Variants in SORL1 observed in about 807,000 individuals in gnomAD.
SORL1 encodes the protein sortilin related receptor 1.
In SORL1, 127 loss-of-function variants were observed where a neutral mutation model predicts 273.7. That is an observed-to-expected ratio of 0.46 (90% CI 0.40 to 0.54). The LOEUF (loss-of-function observed/expected upper bound fraction) is 0.54, where lower values mean the gene tolerates loss of function less well. Among genes scored for constraint, SORL1 ranks in the 20% least tolerant of loss-of-function variants. The probability of loss-of-function intolerance (pLI) is 0.00; values close to 1 mark genes in which losing one functional copy is unlikely to be tolerated. For synonymous variants in SORL1, 1,031 were observed against 1,067.4 expected, an observed-to-expected ratio of 0.97 and a Z score of 0.66; for missense variants, 2,494 against 2,846.1, an observed-to-expected ratio of 0.88 and a Z score of 2.81.
chr11:121,577,646 C>T (rs1862954816), intron 25 of SORL1, among the ~76,000 whole-genome samples: 1 of 152,226 alleles, frequency 6.6e-6, no homozygotes, highest in Non-Finnish European at 1.5e-5. Flanking sequence ...TATGTTCTGG[C>T]TCAAGCTTCT....
chr11:121,480,107 C>T (rs932772121), intron 3 of SORL1, among the ~76,000 whole-genome samples: 7 of 152,220 alleles, frequency 4.6e-5, no homozygotes, highest in East Asian at 1.9e-4. Flanking sequence ...GATCCATATG[C>T]GCCCCGCCTC....
chr11:121,487,613 A>C (rs944290682), intron 3 of SORL1, among the ~76,000 whole-genome samples: 1 of 152,192 alleles, frequency 6.6e-6, no homozygotes, highest in African/African-American at 2.4e-5. Flanking sequence ...AGGGAGACTC[A>C]ACCATCCCAT....
At position 121,605,436 on chromosome 11, in the gene SORL1, AC is replaced by A; in HGVS notation, c.4816del (p.His1606ThrfsTer9). On this transcript the variant is annotated frameshift_variant, in exon 35 of 48. Coordinates refer to ENST00000260197, the MANE Select transcript of SORL1 (RefSeq NM_003105.6). LOFTEE classifies it high-confidence loss of function. ...VGESIWKTLE[T>X]HSNKTNTVLK... Reference sequence around the variant, plus strand: ...AGAGAGCATATGGAAGACTCTGGAGACCCACAGCAATAAGACAAACACTGTA... The same window carrying A: ...AGAGAGCATATGGAAGACTCTGGAGACCACAGCAATAAGACAAACACTGTA... 6.2e-7 allele frequency: 1 copy of A among 1,613,752 alleles called. No homozygotes were observed. The highest frequency in any genetic ancestry group is 8.5e-7 in the Non-Finnish European group (1 of 1,179,760).
At chr11:121,613,424 T>C (rs542666173) in intron 40 of SORL1, among the ~76,000 whole-genome samples, 5 of 152,364 alleles carry the variant, frequency 3.3e-5, no homozygotes, top group African/African-American at 1.2e-4. Context: ...CTGTTGAGAA[T>C]GACTTGGGAG....
chr11:121,522,538 T>C (rs762266077), intron 9 of SORL1, 48 bp from the exon 10 acceptor site: 1 of 1,373,688 alleles, frequency 7.3e-7, no homozygotes, highest in Non-Finnish European at 1.0e-6. Context: ...CAGGGAACGC[T>C]AGGCATGGTA....
chr11:121,471,000 C>T (rs1389539000), intron 2 of SORL1, among the ~76,000 whole-genome samples: 2 of 152,188 alleles, frequency 1.3e-5, no homozygotes, highest in African/African-American at 4.8e-5. Flanking sequence ...TTACAACACT[C>T]TACCTCCTCA....
chr11:121,626,532 G>A (rs952780445), intron 46 of SORL1: 1 of 151,956 alleles, frequency 6.6e-6, no homozygotes, highest in African/African-American at 2.4e-5. Context: ...GATTAGGTTT[G>A]CAAGAAACAA....
intron 12 of SORL1, among the ~76,000 whole-genome samples, chr11:121,539,716 A>C (rs1202742603): frequency 6.6e-6 from 1 of 151,974 alleles, no homozygotes; most frequent in Non-Finnish European, 1.5e-5. Flanking sequence ...TCAGCTTTCC[A>C]ATCAGCCAGA....
intron 26 of SORL1, among the ~76,000 whole-genome samples, chr11:121,584,731 A>G (rs559352039): frequency 6.6e-6 from 1 of 152,282 alleles, no homozygotes; most frequent in South Asian, 2.1e-4. Flanking sequence ...AGCTGGGACC[A>G]CAGGGGTTGG....
intron 19 of SORL1, 41 bp from the exon 20 acceptor site, chr11:121,558,550 T>C (rs1319260643): frequency 1.9e-6 from 3 of 1,608,068 alleles, no homozygotes; most frequent in Non-Finnish European, 1.7e-6. Flanking sequence ...CCCATTTCTC[T>C]AGTATTGATG....
At chr11:121,583,040 G>C (rs1863035393) in intron 25 of SORL1, among the ~76,000 whole-genome samples, 1 of 152,218 alleles carries the variant, frequency 6.6e-6, no homozygotes, top group African/African-American at 2.4e-5. Flanking sequence ...ACTTAGGTGA[G>C]AAGGCAAACT....
In SORL1 at chr11:121,577,311, A is replaced by T; in HGVS notation, c.3491A>T (p.Asn1164Ile). 1 of 1,612,618 alleles carries T rather than the reference A, an allele frequency of 6.2e-7. No individual in the cohort carries two copies. The highest frequency in any genetic ancestry group is 2.2e-5 in the East Asian group (1 of 44,874). ...CACCAGTGCCGGAGTGACGAGTACA[A>T]CTGCAGTTCCGGCATGTGCATCCGC... ...EMHQCRSDEY[N>I]CSSGMCIRSS... The change falls in exon 25 of 48, where the codon AAC becomes ATC. Residue 1164 changes from asparagine (N) to isoleucine (I), a missense_variant. Coordinates refer to ENST00000260197, the MANE Select transcript of SORL1 (RefSeq NM_003105.6).
chr11:121,628,532 C>T (rs1863831145), intron 47 of SORL1, among the ~76,000 whole-genome samples: 1 of 152,210 alleles, frequency 6.6e-6, no homozygotes, highest in Non-Finnish European at 1.5e-5. Context: ...CTGTGCGGCC[C>T]CCCATTCCTA....
In SORL1 at chr11:121,504,182, G is replaced by A. The variant is rs577292494; in HGVS notation, c.939+7133G>A. 3.2e-3 allele frequency among the ~76,000 whole-genome samples: 482 copies of A among 152,362 alleles called. 3 individuals carry two copies. The highest frequency in any genetic ancestry group is 0.011 in the African/African-American group (469 of 41,586). ...TAATATCAGCACTTTGGGAGGCTGA[G>A]GTGGGCGGATCACGAGGCCAGGAGT... On this transcript the variant is annotated intron_variant, in intron 6 of 47. Transcript: ENST00000260197.
intron 35 of SORL1, 143 bp downstream of exon 35, chr11:121,605,714 G>A (rs1863459958): frequency 1.5e-6 from 1 of 663,942 alleles, no homozygotes. Context: ...TTATAGTCTT[G>A]CCAGAGTTGT....
intron 23 of SORL1, among the ~76,000 whole-genome samples, chr11:121,573,065 G>A (rs919394476): frequency 1.3e-5 from 2 of 152,202 alleles, no homozygotes; most frequent in Non-Finnish European, 2.9e-5. Context: ...GTTTCACGGG[G>A]TGCCAGGGAT....
At chr11:121,470,210 A>G in intron 2 of SORL1, 87 bp downstream of exon 2, 1 of 851,250 alleles carries the variant, frequency 1.2e-6, no homozygotes, top group South Asian at 1.3e-5. Flanking sequence ...TGGAAAAAGT[A>G]GTGGGTAATT....
intron 3 of SORL1, among the ~76,000 whole-genome samples, chr11:121,478,790 G>A (rs890072743): frequency 1.3e-5 from 2 of 151,726 alleles, no homozygotes; most frequent in African/African-American, 4.8e-5. Context: ...TTGTGTGCGC[G>A]TGAGTACCTT....
intron 12 of SORL1, among the ~76,000 whole-genome samples, chr11:121,534,131 A>G (rs1862238231): frequency 6.6e-6 from 1 of 152,202 alleles, no homozygotes. Flanking sequence ...TGTTTGGTAT[A>G]CTGCTATGTG....
Sources: allele counts gnomAD v4.1 joint callset (sites outside exome capture counted in the v4.1 genomes callset), GRCh38; gene constraint gnomAD v4.1.1; transcripts MANE v1.5; gene names NCBI Gene and HGNC (gene_info 2026-07-23, HGNC 2026-07-21).